The following ZSCAN5A variants were observed in gnomAD, a reference collection of about 807,000 sequenced individuals.
ZSCAN5A encodes the protein zinc finger and SCAN domain-containing protein 5A.
ZSCAN5A carries 12 observed loss-of-function variants against 23.7 expected under a neutral mutation model. The observed-to-expected ratio is 0.51, with a 90% confidence interval of 0.32 to 0.82. The LOEUF (loss-of-function observed/expected upper bound fraction) is 0.82, where lower values mean the gene tolerates loss of function less well. ZSCAN5A is among the 40% of genes least tolerant of loss of function. ZSCAN5A has a pLI of 0.03. For missense variants in ZSCAN5A, 597 were observed against 617.9 expected, an observed-to-expected ratio of 0.97 and a Z score of 0.36; for synonymous variants, 257 against 239.9, an observed-to-expected ratio of 1.07 and a Z score of -0.66.
intron 2 of ZSCAN5A, among the ~76,000 whole-genome samples, chr19:56,350,285 G>C (rs972622444): frequency 1.3e-5 from 2 of 152,158 alleles, no homozygotes; most frequent in African/African-American, 4.8e-5. Flanking sequence ...ACTATGAAAA[G>C]GTTATAAAGG....
At chr19:56,293,518 A>G (rs967185423) in intron 2 of ZSCAN5A, among the ~76,000 whole-genome samples, 4 of 152,200 alleles carry the variant, frequency 2.6e-5, no homozygotes, top group Admixed American at 2.0e-4. Flanking sequence ...GAACTGGCAG[A>G]GAGTGTGCAC....
At chr19:56,244,529 G>A (rs12610291) in intron 2 of ZSCAN5A, 371,873 of 1,311,664 alleles carry the variant, frequency 0.28, 49,359 homozygotes, top group East Asian at 0.39. Context: ...CTAGGTCAGG[G>A]CTTCCAAGTA....
At chr19:56,295,058 C>T (rs930183300) in intron 2 of ZSCAN5A, 2 of 152,168 alleles carry the variant, frequency 1.3e-5, no homozygotes, top group African/African-American at 2.4e-5. Context: ...TACACGGTTT[C>T]TTTTTCAGGT....
chr19:56,331,483 T>G (rs942294531), intron 2 of ZSCAN5A, among the ~76,000 whole-genome samples: 5 of 151,832 alleles, frequency 3.3e-5, no homozygotes, highest in Non-Finnish European at 7.4e-5. Context: ...TCAGCAGTGT[T>G]CTGTAGTTCC....
At chr19:56,313,569 T>G (rs1184546095) in intron 1 of ZSCAN5A, among the ~76,000 whole-genome samples, 185 bp from the exon 2 acceptor site, 1 of 152,148 alleles carries the variant, frequency 6.6e-6, no homozygotes, top group Non-Finnish European at 1.5e-5. Flanking sequence ...CCTCCGTAGG[T>G]AAGTTAGGCA....
chr19:56,255,610 C>CT lies in ZSCAN5A; in HGVS notation c.-127-30438dup, dbSNP rs201229544. ...GACCCAACGTGGTTTTTCCCTTTGG[C>CT]TTTTTTTTTTTCTCCCTCAAAGAAG... is the stretch of plus-strand genomic sequence containing the variant. On this transcript the variant is annotated intron_variant, in intron 2 of 5. Coordinates refer to ENST00000683990, the MANE Select transcript of ZSCAN5A (RefSeq NM_001322064.3). Among the ~76,000 whole-genome samples, 1,239 of 147,038 alleles carry CT rather than the reference C, an allele frequency of 8.4e-3. 13 individuals carry two copies. Among genetic ancestry groups the CT allele is most frequent in the African/African-American group, 0.016 (646 of 40,274 alleles).
At position 56,351,541 on chromosome 19, in the gene ZSCAN5A, G is replaced by C. The variant is rs79972086; in HGVS notation, c.-358+11694C>G. Among the ~76,000 whole-genome samples, 8,479 of 151,994 alleles carry C rather than the reference G, an allele frequency of 0.056. 425 individuals carry two copies. The highest frequency in any genetic ancestry group is 0.25 in the East Asian group (1,300 of 5,140). ...GGGACTGTCTTTCTGTTGCGCACAG[G>C]GTCTATCTCTGTTCCTTTCCCATGT... On this transcript the variant is annotated intron_variant, in intron 2 of 6. Transcript: ENST00000587340. This position sits in a 1 kb window ranked among gnomAD's most constrained non-coding sequence, Gnocchi z 4.8.
intron 2 of ZSCAN5A, among the ~76,000 whole-genome samples, chr19:56,340,271 T>C (rs2041581314): frequency 6.6e-6 from 1 of 152,098 alleles, no homozygotes; most frequent in Non-Finnish European, 1.5e-5. Flanking sequence ...CCCCCTATCA[T>C]CTTTCTGTCA....
intron 2 of ZSCAN5A, among the ~76,000 whole-genome samples, chr19:56,245,911 C>CG (rs979482408): frequency 6.6e-6 from 1 of 151,954 alleles, no homozygotes; most frequent in Non-Finnish European, 1.5e-5. Flanking sequence ...AGGGTGGAGG[C>CG]GGGGTCTCTG....
chr19:56,230,198 G>A (rs1422115712), intron 2 of ZSCAN5A, among the ~76,000 whole-genome samples: 1 of 152,090 alleles, frequency 6.6e-6, no homozygotes, highest in Non-Finnish European at 1.5e-5. Context: ...GCAATTATTT[G>A]CCTCAGCCTC....
At chr19:56,234,477 T>C (rs1339718492) in intron 2 of ZSCAN5A, among the ~76,000 whole-genome samples, 1 of 151,918 alleles carries the variant, frequency 6.6e-6, no homozygotes, top group Admixed American at 6.5e-5. Flanking sequence ...TTTATATTGT[T>C]TTATACTCAA....
Position 56,326,647 on chromosome 19 carries a change from C to T in ZSCAN5A, c.-357-10379G>A, listed in dbSNP as rs578240262. Among the ~76,000 whole-genome samples, 3 of 152,112 alleles carry T rather than the reference C, an allele frequency of 2.0e-5. No homozygotes were observed. In the East Asian group the frequency reaches 5.8e-4, roughly 29 times the overall value. On this transcript the variant is annotated intron_variant, in intron 2 of 6. Coordinates refer to the ZSCAN5A transcript ENST00000587340. ...CCGCTGGGTGCCTTTCAGTACTGGG[C>T]GATTAACTGCAAATGACACCCCCAC...
intron 2 of ZSCAN5A, among the ~76,000 whole-genome samples, chr19:56,265,048 G>A (rs1352284558): frequency 3.3e-5 from 5 of 152,082 alleles, no homozygotes; most frequent in African/African-American, 1.2e-4. Flanking sequence ...CTTGAACCTG[G>A]GAGGCGGAGG....
chr19:56,303,918 G>T (rs1284579439), intron 2 of ZSCAN5A, among the ~76,000 whole-genome samples: 1 of 152,180 alleles, frequency 6.6e-6, no homozygotes, highest in South Asian at 2.1e-4. Flanking sequence ...AGACCCTGAG[G>T]CAGGAACACA....
Position 56,355,187 on chromosome 19 carries a change from C to T in ZSCAN5A, c.-358+8048G>A, listed in dbSNP as rs970597602. Among the ~76,000 whole-genome samples, 7 of 149,436 alleles carry T rather than the reference C, an allele frequency of 4.7e-5. 1 individual carries two copies. The highest frequency in any genetic ancestry group is 1.8e-4 in the African/African-American group (7 of 39,896). ...CCCATACATAATTTCAGAAGCTCCA[C>T]ATGAAGCCTCTAGCATTGAGTAACC... is the stretch of plus-strand genomic sequence containing the variant. On this transcript the variant is annotated intron_variant, in intron 2 of 6. Coordinates refer to the ZSCAN5A transcript ENST00000587340.
chr19:56,247,190 G>C (rs184664503), intron 2 of ZSCAN5A: 1 of 504,432 alleles, frequency 2.0e-6, no homozygotes, highest in African/African-American at 1.9e-5. Flanking sequence ...TCAGACCTCC[G>C]CGTCCACCAG....
rs549766978 is a variant in ZSCAN5A, at chr19:56,362,137, G to A, written c.-358+1098C>T. Among the ~76,000 whole-genome samples the A allele has an allele frequency of 2.2e-5, 3 of 137,550 alleles. No homozygotes were observed. The East Asian group carries it at 6.4e-4, about 29-fold the overall frequency. 90.2% of individuals were successfully genotyped at this position (137,550 alleles called of 152,430 possible). A position where few individuals can be genotyped will look rare whatever the true frequency, so the allele number is the denominator to read the frequency against. ...TGTGCCACTGCACTCTAGCCTGGGCGACAGAGTGAGACTCCGTCTCAAAAA... is the reference window on the plus strand; with the variant it reads ...TGTGCCACTGCACTCTAGCCTGGGCAACAGAGTGAGACTCCGTCTCAAAAA... On this transcript the variant is annotated intron_variant, in intron 2 of 6. Transcript: ENST00000587340.
chr19:56,277,384 A>G (rs2038343733), intron 2 of ZSCAN5A, among the ~76,000 whole-genome samples: 1 of 152,194 alleles, frequency 6.6e-6, no homozygotes, highest in Admixed American at 6.5e-5. Flanking sequence ...TGCATTCAAC[A>G]TCGTGTGTGA....
At chr19:56,285,662 G>A (rs918634734) in intron 2 of ZSCAN5A, among the ~76,000 whole-genome samples, 27 of 151,966 alleles carry the variant, frequency 1.8e-4, no homozygotes, top group Non-Finnish European at 3.7e-4. Flanking sequence ...TGTATTTTTA[G>A]TAGAGACAGA....
Sources: gnomAD v4.1 joint callset for allele counts (sites outside exome capture counted in the v4.1 genomes callset) on GRCh38, gnomAD v4.1.1 for gene constraint, Gnocchi (gnomAD v3.1) non-coding constraint, MANE v1.5 for transcripts, NCBI Gene and HGNC (gene_info 2026-07-23, HGNC 2026-07-21) for gene names.